Variants in PLCH2 observed in about 807,000 individuals in gnomAD.
PLCH2 encodes the protein 1-phosphatidylinositol 4,5-bisphosphate phosphodiesterase eta-2.
Under a neutral mutation model 134.7 loss-of-function variants are expected in PLCH2, and 98 were observed. That is an observed-to-expected ratio of 0.73 (90% CI 0.62 to 0.86). The LOEUF (loss-of-function observed/expected upper bound fraction) is 0.86, where lower values mean the gene tolerates loss of function less well. PLCH2 is among the 40% of genes least tolerant of loss of function. The pLI is 0.00. For synonymous variants in PLCH2, 974 were observed against 827.5 expected (o/e 1.18, Z -3.04); for missense variants, 1,994 against 1,986.6 (o/e 1.00, Z -0.07).
intron 5 of PLCH2, 115 bp downstream of exon 5, chr1:2,484,733 C>A: frequency 8.4e-7 from 1 of 1,196,040 alleles, no homozygotes; most frequent in Non-Finnish European, 1.2e-6. Context: ...GAAGCTATCC[C>A]AGGCCAGGGA....
chr1:2,460,394 A>AC (rs1318659795), intron 2 of PLCH2, among the ~76,000 whole-genome samples: 5 of 152,090 alleles, frequency 3.3e-5, no homozygotes, highest in Non-Finnish European at 7.4e-5. Flanking sequence ...TGGTTAGTAA[A>AC]CCCCGGCTGA....
rs1639866683 is a variant in PLCH2, at chr1:2,444,814, C to T, written c.115+14185C>T. ...AGGAGAATGGACCCGATCGGTGTCC[C>T]CTTCGTCCCCTGACACGTTGGTCTG... is the stretch of plus-strand genomic sequence containing the variant. On this transcript the variant is annotated intron_variant, in intron 2 of 3. Transcript: ENST00000609981. This position sits in a 1 kb window ranked among gnomAD's most constrained non-coding sequence, Gnocchi z 4.6. Among the ~76,000 whole-genome samples, 1 of 152,152 alleles carries T rather than the reference C, an allele frequency of 6.6e-6. No individual in the cohort carries two copies. Among genetic ancestry groups the T allele is most frequent in the African/African-American group, 2.4e-5 (1 of 41,482 alleles).
intron 4 of PLCH2, among the ~76,000 whole-genome samples, chr1:2,480,715 TGCGCAGCA>T: frequency 6.6e-6 from 1 of 152,338 alleles, no homozygotes; most frequent in Non-Finnish European, 1.5e-5. Flanking sequence ...CCCAGTCTGA[TGCGCAGCA>T]GCTCGTTACT....
At chr1:2,441,084 G>A (rs1639671222) in intron 2 of PLCH2, among the ~76,000 whole-genome samples, 1 of 152,158 alleles carries the variant, frequency 6.6e-6, no homozygotes, top group South Asian at 2.1e-4. Context: ...GGAAGTGGAG[G>A]GGGTGGGTTC....
rs1294173402 is a variant in PLCH2 at position 2,448,375 on chromosome 1, G to A, written c.115+17746G>A. Among the ~76,000 whole-genome samples the A allele has an allele frequency of 6.6e-6, 1 of 152,104 alleles. No homozygotes were observed. On this transcript the variant is annotated intron_variant, in intron 2 of 3. Coordinates refer to the PLCH2 transcript ENST00000609981. This position sits in a 1 kb window ranked among gnomAD's most constrained non-coding sequence, Gnocchi z 4.0. ...TCCTCCAGCTTCTGGTGGCTCTGGC[G>A]TCCCTTGGGTTGTGGCCGCCTCCTG...
upstream of PLCH2, among the ~76,000 whole-genome samples, chr1:2,474,219 G>A (rs568547321): frequency 6.6e-5 from 10 of 152,076 alleles, no homozygotes; most frequent in Non-Finnish European, 1.5e-4. Flanking sequence ...GCAGCACGTG[G>A]GGAGGGGTTC....
chr1:2,488,289 G>A (rs1464148848), intron 8 of PLCH2, among the ~76,000 whole-genome samples: 3 of 152,228 alleles, frequency 2.0e-5, no homozygotes, highest in Non-Finnish European at 4.4e-5. Context: ...CCATCCCTGG[G>A]ACTGTAGGTG....
At chr1:2,487,766 G>A (rs771132058) in intron 8 of PLCH2, 48 bp downstream of exon 8, 26 of 1,582,230 alleles carry the variant, frequency 1.6e-5, no homozygotes, top group Non-Finnish European at 2.2e-5. Flanking sequence ...GGGCAGGGTA[G>A]GGTCTCCAGG....
At chr1:2,431,511 T>C (rs1206398409) in intron 2 of PLCH2, among the ~76,000 whole-genome samples, 5 of 152,064 alleles carry the variant, frequency 3.3e-5, no homozygotes, top group Non-Finnish European at 5.9e-5. Flanking sequence ...TTCAGCGCTG[T>C]CTGGAATGGA....
chr1:2,495,626 C>A, intron 13 of PLCH2, 56 bp downstream of exon 13: 2 of 1,312,240 alleles, frequency 1.5e-6, no homozygotes, highest in Non-Finnish European at 2.1e-6. Flanking sequence ...CTGGCCCAAC[C>A]GGGCCCTTCT....
intron 2 of PLCH2, among the ~76,000 whole-genome samples, chr1:2,437,935 C>T (rs977326687): frequency 1.3e-5 from 2 of 152,240 alleles, no homozygotes; most frequent in African/African-American, 4.8e-5. Flanking sequence ...TCTTTGGCCT[C>T]GAAGGCCTTC....
upstream of PLCH2, among the ~76,000 whole-genome samples, chr1:2,420,986 C>A (rs927057000): frequency 3.3e-5 from 5 of 149,302 alleles, no homozygotes; most frequent in Non-Finnish European, 7.4e-5. Context: ...AGAGTCTCAC[C>A]CAGGCTGGAG....
At chr1:2,423,180 T>G (rs1638604686), upstream of PLCH2, among the ~76,000 whole-genome samples, 1 of 151,984 alleles carries the variant, frequency 6.6e-6, no homozygotes, top group Admixed American at 6.6e-5. Flanking sequence ...TTTGTTTGTT[T>G]GTTTGTTTGT....
rs1228079768 is a variant in PLCH2 at position 2,459,480 on chromosome 1, TCC to T, written c.116-18995_116-18994del. On this transcript the variant is annotated intron_variant, in intron 2 of 3. Coordinates refer to the PLCH2 transcript ENST00000609981. ...TCCTGGTGGTTCTCCTTCCTGGTGG[TCC>T]TCCTTCCTGGTGGTCCTCCTTCCTG... Among the ~76,000 whole-genome samples, 15 of 61,528 alleles carry T rather than the reference TCC, an allele frequency of 2.4e-4. 4 individuals are homozygous for T. Among genetic ancestry groups the T allele is most frequent in the South Asian group, 1.6e-3 (2 of 1,234 alleles). 40.4% of individuals were successfully genotyped at this position (61,528 alleles called of 152,430 possible).
At chr1:2,503,247 C>A in intron 21 of PLCH2, 1 of 560,892 alleles carries the variant, frequency 1.8e-6, no homozygotes, top group South Asian at 2.0e-5. Flanking sequence ...CCAAACTCAC[C>A]TCCTGGGCGG....
chr1:2,455,194 C>T (rs891565774), intron 2 of PLCH2, among the ~76,000 whole-genome samples: 3 of 152,328 alleles, frequency 2.0e-5, no homozygotes, highest in East Asian at 1.9e-4. Flanking sequence ...AGGCTTAGCC[C>T]GGGCATGGGA....
chr1:2,476,547 C>A lies in PLCH2; in HGVS notation c.-42C>A, dbSNP rs1341920705. ...CCTCCGCTGCCCGAAGGCCGGTGGG[C>A]CTCTGTGGCCTCCGTGAAGCAGGCC... On this transcript the variant is annotated 5_prime_UTR_variant, in exon 1 of 22. Transcript: ENST00000378486. 4.1e-6 allele frequency: 6 copies of A among 1,455,282 alleles called. No individual in the cohort carries two copies. In the Admixed American group the frequency reaches 1.3e-4, roughly 33 times the overall value. 90.1% of individuals were successfully genotyped at this position (1,455,282 alleles called of 1,614,324 possible).
chr1:2,497,911 C>T (rs1185613832), intron 16 of PLCH2: 4 of 372,522 alleles, frequency 1.1e-5, no homozygotes, highest in Non-Finnish European at 4.9e-6. Context: ...GCCCCAGTGC[C>T]AGCGACCCAG....
In PLCH2 at chr1:2,498,334, A is replaced by AAGGTG; in HGVS notation, c.2225-187_2225-183dup. ...TGTCCCACATGCTGCGGTAGCCACA[A>AAGGTG]AGGTGATCCATACTGGGCCAGGTGC... On this transcript the variant is annotated intron_variant, in intron 16 of 21. Coordinates refer to ENST00000378486, the MANE Select transcript of PLCH2 (RefSeq NM_014638.4). The surrounding 1 kb of genome is among the most constrained non-coding windows in gnomAD (Gnocchi z 5.4). The AAGGTG allele has an allele frequency of 1.6e-6, 1 of 610,380 alleles. No individual in the cohort carries two copies. The highest frequency in any genetic ancestry group is 2.9e-6 in the Non-Finnish European group (1 of 349,032). The allele number at this position is 610,380 out of a possible 1,614,324, so 37.8% of individuals were successfully genotyped here. A position where few individuals can be genotyped will look rare whatever the true frequency, so the allele number is the denominator to read the frequency against.
Sources: allele counts gnomAD v4.1 joint callset (sites outside exome capture counted in the v4.1 genomes callset), GRCh38; gene constraint gnomAD v4.1.1; non-coding constraint Gnocchi (gnomAD v3.1); transcripts MANE v1.5; gene names NCBI Gene and HGNC (gene_info 2026-07-23, HGNC 2026-07-21).